The following NRXN3 variants were observed in gnomAD, a reference collection of about 807,000 sequenced individuals.
NRXN3 encodes the protein neurexin III.
Under a neutral mutation model 137.6 loss-of-function variants are expected in NRXN3, and 32 were observed. The ratio of observed to expected loss-of-function variants is 0.23; its 90% CI spans 0.18 to 0.31. The LOEUF (loss-of-function observed/expected upper bound fraction) is 0.31. Among genes scored for constraint, NRXN3 ranks in the 10% least tolerant of loss-of-function variants. NRXN3 has a pLI of 1.00. For synonymous variants in NRXN3, 798 were observed against 784.5 expected (o/e 1.02, Z -0.29); for missense variants, 1,574 against 2,062.5 (o/e 0.76, Z 4.59).
chr14:79,093,846 A>G (rs2049693843), intron 15 of NRXN3, among the ~76,000 whole-genome samples: 1 of 152,066 alleles, frequency 6.6e-6, no homozygotes, highest in South Asian at 2.1e-4. Flanking sequence ...TATTTTCTAC[A>G]TGACCGGGCT....
chr14:79,278,330 G>A (rs866128162), intron 15 of NRXN3, among the ~76,000 whole-genome samples: 3 of 152,134 alleles, frequency 2.0e-5, no homozygotes, highest in African/African-American at 4.8e-5. Context: ...TCCTTCCTGC[G>A]CATGAGACAT....
intron 10 of NRXN3, among the ~76,000 whole-genome samples, chr14:78,952,513 A>G (rs2099389039): frequency 6.6e-6 from 1 of 152,152 alleles, no homozygotes; most frequent in Non-Finnish European, 1.5e-5. Context: ...CTATGGGCTT[A>G]GTGAAATGCT....
In NRXN3 at chr14:79,508,719, ACATACT is replaced by A. The variant is rs1287389186; in HGVS notation, c.3444+41321_3444+41326del. On this transcript the variant is annotated intron_variant, in intron 16 of 20. Transcript: ENST00000335750. Reference sequence around the variant, plus strand: ...AAACAATAACTGATTTTTTAAAGAAACATACTCATGACTATTTGTCATTTTAGTCAA... The same window carrying A: ...AAACAATAACTGATTTTTTAAAGAAACATGACTATTTGTCATTTTAGTCAA... 5.3e-5 allele frequency among the ~76,000 whole-genome samples: 8 copies of A among 151,968 alleles called. No homozygotes were observed. The South Asian group carries it at 8.3e-4, about 16-fold the overall frequency.
chr14:79,232,411 G>A (rs2072403896), intron 15 of NRXN3, among the ~76,000 whole-genome samples: 1 of 152,082 alleles, frequency 6.6e-6, no homozygotes, highest in African/African-American at 2.4e-5. Flanking sequence ...GCTTGAAATT[G>A]TATTCAAAAC....
chr14:78,350,846 C>T (rs894741109), intron 4 of NRXN3, among the ~76,000 whole-genome samples: 1 of 152,026 alleles, frequency 6.6e-6, no homozygotes, highest in African/African-American at 2.4e-5. Flanking sequence ...GCTTTTCTTT[C>T]CTTGCTTCTG....
chr14:78,484,735 A>G (rs2095535458), intron 4 of NRXN3, among the ~76,000 whole-genome samples: 1 of 152,114 alleles, frequency 6.6e-6, no homozygotes, highest in African/African-American at 2.4e-5. Context: ...TCTGGTGTGT[A>G]CTTCCCTGTC....
chr14:79,129,022 T>A (rs1442611996), intron 15 of NRXN3, among the ~76,000 whole-genome samples: 2 of 152,222 alleles, frequency 1.3e-5, no homozygotes, highest in East Asian at 3.8e-4. Context: ...TCGGTGGAGA[T>A]ATCCCCTTTA....
At chr14:78,654,592 G>C (rs2097771335) in intron 6 of NRXN3, among the ~76,000 whole-genome samples, 1 of 152,216 alleles carries the variant, frequency 6.6e-6, no homozygotes, top group Non-Finnish European at 1.5e-5. Flanking sequence ...CTTCATACCA[G>C]TGTAAAAGCC....
intron 5 of NRXN3, among the ~76,000 whole-genome samples, chr14:78,645,677 G>T (rs1248241542): frequency 6.6e-6 from 1 of 150,680 alleles, no homozygotes; most frequent in Non-Finnish European, 1.5e-5. Context: ...GATAATAAAA[G>T]TTGTAAGTAC....
intron 1 of NRXN3, among the ~76,000 whole-genome samples, chr14:78,182,635 A>AT (rs35716004): frequency 0.16 from 24,216 of 151,730 alleles, 2,162 homozygotes; most frequent in East Asian, 0.32. Flanking sequence ...AGCCCAGCTG[A>AT]TTTTTTTGTA....
intron 15 of NRXN3, among the ~76,000 whole-genome samples, chr14:79,241,645 C>G (rs908061685): frequency 2.0e-5 from 3 of 152,112 alleles, no homozygotes; most frequent in African/African-American, 7.2e-5. Context: ...GGGGAAACAG[C>G]CAAACCATAT....
intron 16 of NRXN3, among the ~76,000 whole-genome samples, chr14:79,629,809 A>G (rs900302443): frequency 6.6e-6 from 1 of 150,696 alleles, no homozygotes; most frequent in African/African-American, 2.5e-5. Context: ...GTGTGTGTGT[A>G]TGTGCGTGTG....
At chr14:79,008,463 A>C (rs1057441609) in intron 15 of NRXN3, among the ~76,000 whole-genome samples, 1 of 152,206 alleles carries the variant, frequency 6.6e-6, no homozygotes, top group African/African-American at 2.4e-5. Flanking sequence ...TGAAATAGTC[A>C]TATGTCTACT....
chr14:79,364,053 G>A (rs2093784389), intron 15 of NRXN3, among the ~76,000 whole-genome samples: 1 of 152,162 alleles, frequency 6.6e-6, no homozygotes, highest in Admixed American at 6.5e-5. Context: ...GGATGTCTCT[G>A]TGTTTGTGCT....
intron 15 of NRXN3, among the ~76,000 whole-genome samples, chr14:79,455,886 A>G (rs898990340): frequency 6.6e-6 from 1 of 151,896 alleles, no homozygotes; most frequent in Non-Finnish European, 1.5e-5. Context: ...ATCATCAAAA[A>G]CCATCTTATT....
At chr14:79,493,345 AG>A (rs2096735331) in intron 16 of NRXN3, among the ~76,000 whole-genome samples, 1 of 152,256 alleles carries the variant, frequency 6.6e-6, no homozygotes, top group Non-Finnish European at 1.5e-5. Context: ...AAAGCTTGAA[AG>A]CCATACATTC....
At chr14:79,279,082 C>A (rs777435549) in intron 15 of NRXN3, among the ~76,000 whole-genome samples, 6 of 152,206 alleles carry the variant, frequency 3.9e-5, no homozygotes, top group Non-Finnish European at 7.3e-5. Flanking sequence ...AAGAGCAGGG[C>A]ACGGGTGATA....
intron 4 of NRXN3, among the ~76,000 whole-genome samples, chr14:78,498,192 TG>T (rs2095820212): frequency 1.3e-5 from 2 of 152,164 alleles, no homozygotes; most frequent in Non-Finnish European, 1.5e-5. Context: ...TCAGTGTGTC[TG>T]TAGAAGTCCA....
chr14:79,365,592 G>A (rs964399865), intron 15 of NRXN3, among the ~76,000 whole-genome samples: 5 of 150,828 alleles, frequency 3.3e-5, no homozygotes, highest in South Asian at 2.1e-4. Flanking sequence ...GGTGGCGGGC[G>A]CCTGTAGTCC....
Sources: gnomAD v4.1 joint callset for allele counts (sites outside exome capture counted in the v4.1 genomes callset) on GRCh38, gnomAD v4.1.1 for gene constraint, MANE v1.5 for transcripts, NCBI Gene and HGNC (gene_info 2026-07-23, HGNC 2026-07-21) for gene names.